Variants in WDR25 observed in about 807,000 individuals in gnomAD.
The protein encoded by WDR25 is WD repeat-containing protein 25.
In WDR25, 35 loss-of-function variants were observed where a neutral mutation model predicts 47.7. The observed-to-expected ratio is 0.73, with a 90% CI of 0.56 to 0.97. WDR25 has a LOEUF of 0.97. WDR25 is among the 50% of genes least tolerant of loss of function. The pLI is 0.00. For synonymous variants in WDR25, 248 were observed against 278.9 expected, an observed-to-expected ratio of 0.89 and a Z score of 1.10; for missense variants, 634 against 704.7, an observed-to-expected ratio of 0.90 and a Z score of 1.14.
chr14:100,379,694 T>G (rs1366689759), intron 1 of WDR25, among the ~76,000 whole-genome samples: 1 of 151,990 alleles, frequency 6.6e-6, no homozygotes, highest in Non-Finnish European at 1.5e-5. Flanking sequence ...AGCCTAGGTC[T>G]TCTTTTATGT....
At chr14:100,476,510 G>A (rs1426313835) in intron 3 of WDR25, 1 of 152,128 alleles carries the variant, frequency 6.6e-6, no homozygotes, top group Non-Finnish European at 1.5e-5. Flanking sequence ...TTTCCTACAT[G>A]TTCATGAGTC....
intron 4 of WDR25, among the ~76,000 whole-genome samples, chr14:100,485,993 A>C (rs1448577491): frequency 1.3e-5 from 2 of 152,138 alleles, no homozygotes; most frequent in African/African-American, 4.8e-5. Context: ...CTTTCTTATA[A>C]AAATATTTGG....
chr14:100,428,190 G>C lies in WDR25; in HGVS notation c.823-39831G>C, dbSNP rs1336840127. Among the ~76,000 whole-genome samples, 1 of 152,208 alleles carries C rather than the reference G, an allele frequency of 6.6e-6. No individual in the cohort carries two copies. The highest frequency in any genetic ancestry group is 1.5e-5 in the Non-Finnish European group (1 of 68,044). The stretch of plus-strand genomic sequence containing the variant: ...CCGACCGAAGCGTTGGCACTGACCC[G>C]TCTAGAATTCTGTGTGCGGAGTGGA... On this transcript the variant is annotated intron_variant, in intron 2 of 6. Transcript: ENST00000402312. The surrounding 1 kb of genome is among the most constrained non-coding windows in gnomAD (Gnocchi z 4.3).
At chr14:100,477,729 G>A (rs35717331) in intron 3 of WDR25, among the ~76,000 whole-genome samples, 84,070 of 152,014 alleles carry the variant, frequency 0.55, 23,843 homozygotes, top group Admixed American at 0.69. Flanking sequence ...AGCCCAGGGC[G>A]TTGTATTTTC....
intron 4 of WDR25, among the ~76,000 whole-genome samples, chr14:100,484,691 T>C (rs1279580898): frequency 6.6e-6 from 1 of 152,044 alleles, no homozygotes; most frequent in Admixed American, 6.5e-5. Flanking sequence ...CCCTAGTTGT[T>C]CAGGCCAAAA....
At chr14:100,446,492 A>G (rs573458376) in intron 2 of WDR25, among the ~76,000 whole-genome samples, 22 of 148,282 alleles carry the variant, frequency 1.5e-4, no homozygotes, top group African/African-American at 5.2e-4. Flanking sequence ...CAGAGGTTGC[A>G]GTGAGCTGAG....
rs1901411603 is a variant in WDR25, at chr14:100,514,147, A to G, written c.1102-11723A>G. ...GAGATGGGGTTTCACCGTGTTAGCCAGGATGGTCTCGATCTCCTGACCTCG... is the reference window on the plus strand; with the variant it reads ...GAGATGGGGTTTCACCGTGTTAGCCGGGATGGTCTCGATCTCCTGACCTCG... On this transcript the variant is annotated intron_variant, in intron 4 of 6. Coordinates refer to ENST00000402312, the MANE Select transcript of WDR25 (RefSeq NM_001161476.3). Among the ~76,000 whole-genome samples, 3 of 150,888 alleles carry G rather than the reference A, an allele frequency of 2.0e-5. No individual in the cohort carries two copies. The South Asian group carries it at 6.3e-4, about 32-fold the overall frequency.
At chr14:100,515,993 A>ATT (rs143630748) in intron 4 of WDR25, among the ~76,000 whole-genome samples, 30 of 144,190 alleles carry the variant, frequency 2.1e-4, no homozygotes, top group South Asian at 6.6e-4. Flanking sequence ...CTATTGACAG[A>ATT]TTTTTTTTTT....
intron 2 of WDR25, among the ~76,000 whole-genome samples, chr14:100,462,452 A>G (rs1022782204): frequency 6.6e-6 from 1 of 152,230 alleles, no homozygotes; most frequent in Non-Finnish European, 1.5e-5. Flanking sequence ...ATTAAATTCA[A>G]TTAAGGAGAC....
rs1290331576 is a variant in WDR25 at position 100,468,162 on chromosome 14, G to T, written c.964G>T (p.Glu322Ter). 6.2e-7 allele frequency: 1 copy of T among 1,611,934 alleles called. No individual in the cohort carries two copies. Among genetic ancestry groups the T allele is most frequent in the South Asian group, 1.1e-5 (1 of 90,990 alleles). ...FDFALHLTDL[E>*]TGTQLFSGRS... ...CTTCGCGCTGCACCTAACAGACCTT[G>T]AAACAGGTGCGTTTCTTGTGTCACC... is the stretch of plus-strand genomic sequence containing the variant. Residue 322 changes from glutamate (E) to a stop codon, truncating the protein, a stop_gained, in exon 3 of 7, where the codon GAA (glutamate) becomes TAA (stop). Coordinates refer to ENST00000402312, the MANE Select transcript of WDR25 (RefSeq NM_001161476.3). LOFTEE classifies it high-confidence loss of function. The surrounding 1 kb of genome is among the most constrained non-coding windows in gnomAD (Gnocchi z 4.5).
intron 4 of WDR25, among the ~76,000 whole-genome samples, chr14:100,519,189 T>G (rs1387827039): frequency 2.6e-5 from 4 of 152,098 alleles, no homozygotes; most frequent in Non-Finnish European, 5.9e-5. Flanking sequence ...TATTATTGAC[T>G]TTTCAGAGTC....
chr14:100,497,546 A>T, intron 4 of WDR25, among the ~76,000 whole-genome samples: 1 of 152,164 alleles, frequency 6.6e-6, no homozygotes. Context: ...CACTTCTCTG[A>T]GTTTCTGTCT....
chr14:100,380,861 C>A, intron 1 of WDR25, 49 bp from the exon 2 acceptor site: 1 of 1,497,638 alleles, frequency 6.7e-7, no homozygotes, highest in South Asian at 1.3e-5. Context: ...TAACTACATA[C>A]ATATTCTTCC....
chr14:100,381,722 C>T lies in WDR25; in HGVS notation c.798C>T (p.Ser266=), dbSNP rs771740816. 4.1e-5 allele frequency: 66 copies of T among 1,608,104 alleles called. No individual in the cohort carries two copies. The highest frequency in any genetic ancestry group is 5.4e-5 in the Non-Finnish European group (64 of 1,177,816). Residue 266 remains serine (S), a synonymous_variant, in exon 2 of 7, where the codon TCC becomes TCT. Coordinates refer to ENST00000402312, the MANE Select transcript of WDR25 (RefSeq NM_001161476.3). ...TTTCTAAGAGCCACATGCTTCTCTCCACTTCTATGGATAAAACTTTCAAGG... is the reference window on the plus strand; with the variant it reads ...TTTCTAAGAGCCACATGCTTCTCTCTACTTCTATGGATAAAACTTTCAAGG... ...PVLSKSHMLL[S]TSMDKTFKVW... is the part of the protein sequence containing the mutation.
At chr14:100,402,840 C>T (rs143273815) in intron 2 of WDR25, among the ~76,000 whole-genome samples, 60 of 152,212 alleles carry the variant, frequency 3.9e-4, no homozygotes, top group African/African-American at 1.2e-3. Context: ...TCGTGACCAC[C>T]GTGGAGCAGA....
chr14:100,473,612 A>C (rs1205734319), intron 3 of WDR25, among the ~76,000 whole-genome samples: 6 of 152,198 alleles, frequency 3.9e-5, no homozygotes, highest in Non-Finnish European at 7.3e-5. Context: ...ATGCCTCTTC[A>C]GTGATGGATG....
At chr14:100,405,165 C>G (rs1217410578) in intron 2 of WDR25, among the ~76,000 whole-genome samples, 1 of 77,458 alleles carries the variant, frequency 1.3e-5, no homozygotes, top group African/African-American at 5.0e-5. Flanking sequence ...CTCTCTGCCC[C>G]ATCTTTTTTT....
intron 2 of WDR25, among the ~76,000 whole-genome samples, chr14:100,459,924 A>AGTTGT (rs1899338109): frequency 1.8e-5 from 2 of 110,568 alleles, no homozygotes; most frequent in East Asian, 4.5e-4. Context: ...ATATATATAT[A>AGTTGT]TATATATATA....
intron 3 of WDR25, 29 bp from the exon 4 acceptor site, chr14:100,483,965 T>C: frequency 1.3e-6 from 2 of 1,596,498 alleles, no homozygotes; most frequent in South Asian, 2.3e-5. Flanking sequence ...AAGTACTTTC[T>C]AACCCTCTCT....
Sources: gnomAD v4.1 joint callset for allele counts (sites outside exome capture counted in the v4.1 genomes callset) on GRCh38, gnomAD v4.1.1 for gene constraint, Gnocchi (gnomAD v3.1) non-coding constraint, MANE v1.5 for transcripts, NCBI Gene and HGNC (gene_info 2026-07-23, HGNC 2026-07-21) for gene names.